The following PAK6 variants were observed in gnomAD, a reference collection of about 807,000 sequenced individuals.
The protein encoded by PAK6 is p21 (RAC1) activated kinase 6.
In PAK6, 33 loss-of-function variants were observed where a neutral mutation model predicts 60.8. The ratio of observed to expected loss-of-function variants is 0.54; its 90% CI spans 0.41 to 0.73. The LOEUF (loss-of-function observed/expected upper bound fraction) is 0.73, where lower values mean the gene tolerates loss of function less well. Ranked by LOEUF, PAK6 falls within the 30% of genes least tolerant of loss-of-function variation. PAK6 has a pLI of 0.00. For missense variants in PAK6, 845 were observed against 904.1 expected, an observed-to-expected ratio of 0.93 and a Z score of 0.84; for synonymous variants, 404 against 378.5, an observed-to-expected ratio of 1.07 and a Z score of -0.78.
chr15:40,266,266 C>CG lies in PAK6; in HGVS notation c.632dup (p.Thr212HisfsTer3). 1 of 1,611,072 alleles carries CG rather than the reference C, an allele frequency of 6.2e-7. No individual in the cohort carries two copies. Among genetic ancestry groups the CG allele is most frequent in the Non-Finnish European group, 8.5e-7 (1 of 1,179,848 alleles). On this transcript the variant is annotated frameshift_variant, in exon 5 of 11. Coordinates refer to ENST00000560346, the Ensembl canonical transcript of PAK6. LOFTEE classifies it high-confidence loss of function. ...TCCCCACCAGGAGCCTCGCCCCCCA[C>CG]GGGCACCAATAGGCATGGAATGAAG...
intron 10 of PAK6, among the ~76,000 whole-genome samples, chr15:40,275,051 A>T (rs1481350169): frequency 2.6e-5 from 4 of 152,126 alleles, no homozygotes; most frequent in Non-Finnish European, 5.9e-5. Flanking sequence ...GCTAACCCCA[A>T]AATTAGCATA....
intron 2 of PAK6, among the ~76,000 whole-genome samples, chr15:40,243,276 T>C (rs367835906): frequency 1.3e-4 from 20 of 152,150 alleles, no homozygotes; most frequent in East Asian, 5.8e-4. Flanking sequence ...CTCGGGGAGA[T>C]AGACCAGGGC....
At chr15:40,274,066 C>T in intron 9 of PAK6, 76 bp from the exon 10 acceptor site, 2 of 1,552,352 alleles carry the variant, frequency 1.3e-6, no homozygotes, top group Non-Finnish European at 1.8e-6. Flanking sequence ...CCCCCCTCCA[C>T]CACTGCTGCC....
chr15:40,240,739 A>G, intron 2 of PAK6, 58 bp downstream of exon 2: 1 of 421,762 alleles, frequency 2.4e-6, no homozygotes, highest in Non-Finnish European at 4.7e-6. Flanking sequence ...CGGGGGTGCC[A>G]AGGTGTCCAG....
intron 2 of PAK6, among the ~76,000 whole-genome samples, chr15:40,242,393 C>G (rs114593171): frequency 6.6e-6 from 1 of 152,186 alleles, no homozygotes; most frequent in Non-Finnish European, 1.5e-5. Context: ...AAGTCCTTCC[C>G]GTAAGATGCG....
exon 5 of PAK6, chr15:40,266,192 T>C: frequency 1.2e-6 from 2 of 1,609,588 alleles, no homozygotes; most frequent in Non-Finnish European, 1.7e-6. Flanking sequence ...CCGCCGAGTT[T>C]CAGGGTGCCT....
intron 2 of PAK6, among the ~76,000 whole-genome samples, chr15:40,248,195 G>C (rs1396353891): frequency 6.6e-6 from 1 of 152,106 alleles, no homozygotes; most frequent in Non-Finnish European, 1.5e-5. Flanking sequence ...GGACCCCAAG[G>C]GCCTGGCAGT....
chr15:40,244,166 T>C (rs149614065), intron 2 of PAK6, among the ~76,000 whole-genome samples: 2 of 151,898 alleles, frequency 1.3e-5, no homozygotes, highest in South Asian at 2.1e-4. Flanking sequence ...CCGTCTCTAC[T>C]AAAAAATACA....
At chr15:40,270,407 C>T (rs748108173) in intron 5 of PAK6, among the ~76,000 whole-genome samples, 5 of 152,214 alleles carry the variant, frequency 3.3e-5, no homozygotes, top group Non-Finnish European at 5.9e-5. Context: ...TCTAGGCTCC[C>T]ACCGAATCAG....
At chr15:40,266,029 A>G in exon 5 of PAK6, 1 of 1,603,304 alleles carries the variant, frequency 6.2e-7, no homozygotes. Flanking sequence ...ATGTACCTCC[A>G]GAGCCCCCAG....
intron 2 of PAK6, among the ~76,000 whole-genome samples, chr15:40,242,516 G>C (rs1013799418): frequency 1.5e-4 from 23 of 152,220 alleles, no homozygotes; most frequent in Non-Finnish European, 3.1e-4. Context: ...TGCACCTACC[G>C]GGCCTCAAGG....
chr15:40,250,535 T>TA (rs1325669750), intron 2 of PAK6: 2 of 152,138 alleles, frequency 1.3e-5, no homozygotes, highest in African/African-American at 4.8e-5. Context: ...AAACCCACTG[T>TA]AGCTCCCAAG....
intron 3 of PAK6, among the ~76,000 whole-genome samples, chr15:40,261,309 C>T (rs988155444): frequency 1.3e-5 from 2 of 151,710 alleles, no homozygotes; most frequent in Non-Finnish European, 1.5e-5. Context: ...GAGGCTGAGG[C>T]GGGTGGATCA....
At chr15:40,273,851 A>G in intron 9 of PAK6, 175 bp downstream of exon 9, 1 of 802,964 alleles carries the variant, frequency 1.2e-6, no homozygotes, top group Non-Finnish European at 1.9e-6. Flanking sequence ...CTTTGCTGCC[A>G]GGAACGAGTC....
intron 10 of PAK6, among the ~76,000 whole-genome samples, chr15:40,275,280 G>GTTTTTTTTTTTTTGTTTTTTT (rs2039419618): frequency 1.8e-5 from 1 of 56,486 alleles, no homozygotes; most frequent in African/African-American, 7.2e-5. Context: ...GTTGTTGTTG[G>GTTTTTTTTTTTTTGTTTTTTT]TTTTTTTTTT....
chr15:40,252,924 G>A (rs1306075948), intron 2 of PAK6: 9 of 1,091,180 alleles, frequency 8.2e-6, no homozygotes, highest in South Asian at 1.7e-5. Flanking sequence ...TGGGGCCTGC[G>A]AGCTGGGGCC....
At chr15:40,272,515 G>A in exon 6 of PAK6, 16 of 1,613,860 alleles carry the variant, frequency 9.9e-6, no homozygotes, top group Non-Finnish European at 1.3e-5. Flanking sequence ...GGACACAGGT[G>A]TTGTGACACA....
chr15:40,265,843 C>T (rs1222392199), exon 5 of PAK6: 14 of 1,518,410 alleles, frequency 9.2e-6, no homozygotes, highest in Non-Finnish European at 1.2e-5. Context: ...CCCCTACAGA[C>T]AGTGGTGCGG....
chr15:40,269,970 T>G (rs959818332), intron 5 of PAK6, among the ~76,000 whole-genome samples: 2 of 152,202 alleles, frequency 1.3e-5, no homozygotes, highest in Non-Finnish European at 2.9e-5. Flanking sequence ...TTTACAGCCT[T>G]TCTTAGGAGC....
Sources: allele counts gnomAD v4.1 joint callset (sites outside exome capture counted in the v4.1 genomes callset), GRCh38; gene constraint gnomAD v4.1.1; transcripts MANE v1.5; gene names NCBI Gene and HGNC (gene_info 2026-07-23, HGNC 2026-07-21).